Variants in ANKRD62 observed in about 807,000 individuals in gnomAD.
ANKRD62 encodes the protein ankyrin repeat domain-containing protein 62.
A neutral mutation model predicts 98.8 loss-of-function variants in ANKRD62; 61 were observed. The ratio of observed to expected loss-of-function variants is 0.62; its 90% CI spans 0.50 to 0.76. The LOEUF is 0.76. ANKRD62 is among the 30% of genes least tolerant of loss of function. The probability of loss-of-function intolerance (pLI) is 0.00; values close to 1 mark genes in which losing one functional copy is unlikely to be tolerated. For missense variants in ANKRD62, 933 were observed against 1,082.9 expected (o/e 0.86, Z 1.94); for synonymous variants, 341 against 367.9 (o/e 0.93, Z 0.84).
chr18:12,106,186 C>T (rs945240696), intron 7 of ANKRD62, among the ~76,000 whole-genome samples: 4 of 152,166 alleles, frequency 2.6e-5, no homozygotes, highest in Non-Finnish European at 5.9e-5. Context: ...TTTTTAATCA[C>T]AACTTCCGCA....
chr18:12,138,989 CTT>C, the ANKRD62 span, among the ~76,000 whole-genome samples: 52 of 152,236 alleles, frequency 3.4e-4, no homozygotes, highest in African/African-American at 1.3e-3. Flanking sequence ...GTTCTTGACT[CTT>C]TATCCAATTT....
chr18:12,167,084 C>A, the ANKRD62 span, among the ~76,000 whole-genome samples: 1 of 150,974 alleles, frequency 6.6e-6, no homozygotes, highest in Non-Finnish European at 1.5e-5. Context: ...TAGCATTCCA[C>A]GGTGTACATG....
rs970688531 is a variant in ANKRD62, at chr18:12,093,923, G to A, written c.-95G>A. 5 of 1,236,486 alleles carry A rather than the reference G, an allele frequency of 4.0e-6. No homozygotes were observed. The highest frequency in any genetic ancestry group is 3.0e-5 in the African/African-American group (2 of 67,166). 76.6% of individuals were successfully genotyped at this position (1,236,486 alleles called of 1,614,324 possible). A position where few individuals can be genotyped will look rare whatever the true frequency, so the allele number is the denominator to read the frequency against. ...GGAGGTTGCGGCTGGACCTGGTTAC[G>A]TGCTGGTGCTGCGCTCCAGAGAGGC... On this transcript the variant is annotated 5_prime_UTR_variant, in exon 1 of 14. The change creates a new upstream start codon in the 5' untranslated region. Coordinates refer to ENST00000587848, the MANE Select transcript of ANKRD62 (RefSeq NM_001277333.2).
At chr18:12,127,670 T>C in intron 13 of ANKRD62, 78 bp from the exon 14 acceptor site, 1 of 1,110,506 alleles carries the variant, frequency 9.0e-7, no homozygotes, top group Non-Finnish European at 1.2e-6. Context: ...GAAGTGTGTA[T>C]ATTAGAGTTA....
the ANKRD62 span, among the ~76,000 whole-genome samples, chr18:12,167,183 T>C: frequency 5.9e-5 from 9 of 152,104 alleles, no homozygotes; most frequent in African/African-American, 2.2e-4. Flanking sequence ...ATGTGCACAA[T>C]ATGCAGGTTT....
At chr18:12,110,914 G>A (rs1436449827) in intron 8 of ANKRD62, among the ~76,000 whole-genome samples, 6 of 152,104 alleles carry the variant, frequency 3.9e-5, no homozygotes, top group Admixed American at 2.0e-4. Context: ...TCTTTTTGAT[G>A]TGAGCATTTA....
rs751903748 is a variant in ANKRD62 at position 12,128,640 on chromosome 18, T to A, written c.*701T>A. On this transcript the variant is annotated 3_prime_UTR_variant, in exon 14 of 14. Coordinates refer to ENST00000587848, the MANE Select transcript of ANKRD62 (RefSeq NM_001277333.2). ...TTTAAGATGACACTTTTAAATAAAT[T>A]ATCTCCTAATGATGACATGAGCCCT... 16 of 152,248 alleles carry A rather than the reference T, an allele frequency of 1.1e-4. No individual in the cohort carries two copies. Among genetic ancestry groups the A allele is most frequent in the Non-Finnish European group, 1.6e-4 (11 of 68,042 alleles). 9.4% of individuals were successfully genotyped at this position (152,248 alleles called of 1,614,324 possible). A position where few individuals can be genotyped will look rare whatever the true frequency, so the allele number is the denominator to read the frequency against.
In ANKRD62 at chr18:12,128,888, C is replaced by G. The variant is rs1486390555; in HGVS notation, c.*949C>G. Reference sequence around the variant, plus strand: ...CATCCTGGCCAACATGGTGAAACCCCATCTCTACTAAAAAAGATAAAGAAA... The same window carrying G: ...CATCCTGGCCAACATGGTGAAACCCGATCTCTACTAAAAAAGATAAAGAAA... On this transcript the variant is annotated 3_prime_UTR_variant, in exon 14 of 14. Coordinates refer to ENST00000587848, the MANE Select transcript of ANKRD62 (RefSeq NM_001277333.2). The G allele has an allele frequency of 6.6e-6, 1 of 152,064 alleles. No homozygotes were observed. Among genetic ancestry groups the G allele is most frequent in the African/African-American group, 2.4e-5 (1 of 41,392 alleles). 9.4% of individuals were successfully genotyped at this position (152,064 alleles called of 1,614,324 possible).
At chr18:12,109,498 T>C (rs138834510) in intron 8 of ANKRD62, among the ~76,000 whole-genome samples, 1 of 152,366 alleles carries the variant, frequency 6.6e-6, no homozygotes, top group Non-Finnish European at 1.5e-5. Context: ...ATCTTAATAC[T>C]TGTAGTGTTT....
rs1223258021 is a variant in ANKRD62, at chr18:12,122,365, C to A, written c.1303C>A (p.Gln435Lys). 4.6e-6 allele frequency: 7 copies of A among 1,535,306 alleles called. No homozygotes were observed. Among genetic ancestry groups the A allele is most frequent in the South Asian group, 1.2e-5 (1 of 83,974 alleles). Residue 435 changes from glutamine (Q) to lysine (K), a missense_variant, in exon 11 of 14, where the codon CAA (glutamine) becomes AAA (lysine). Gln to Lys is a moderately conservative substitution (Grantham distance 53). Coordinates refer to ENST00000587848, the MANE Select transcript of ANKRD62 (RefSeq NM_001277333.2). Reference sequence around the variant, plus strand: ...TGCATGTGGAAGATCAATAGAGGATCAAAAATGTTACTGTGAACGACTTAA... The same window carrying A: ...TGCATGTGGAAGATCAATAGAGGATAAAAAATGTTACTGTGAACGACTTAA... ...TAACGRSIED[Q>K]KCYCERLKVK...
At chr18:12,122,600 T>G in intron 11 of ANKRD62, 84 bp downstream of exon 11, 1 of 1,170,414 alleles carries the variant, frequency 8.5e-7, no homozygotes, top group Non-Finnish European at 1.2e-6. Context: ...CTGACTTACC[T>G]TCTAGGGTTT....
At chr18:12,172,613 C>T in the ANKRD62 span, among the ~76,000 whole-genome samples, 11 of 152,118 alleles carry the variant, frequency 7.2e-5, no homozygotes, top group African/African-American at 9.7e-5. Flanking sequence ...TTCTCAGATC[C>T]GTGCTGGGAG....
the ANKRD62 span, among the ~76,000 whole-genome samples, chr18:12,174,221 TCTGA>T: frequency 6.6e-6 from 1 of 152,240 alleles, no homozygotes; most frequent in Admixed American, 6.5e-5. Flanking sequence ...TCTGTTCTTG[TCTGA>T]CTGTTTTATT....
At chr18:12,172,037 A>AATCT in the ANKRD62 span, among the ~76,000 whole-genome samples, 1 of 152,112 alleles carries the variant, frequency 6.6e-6, no homozygotes, top group African/African-American at 2.4e-5. Flanking sequence ...CCATTCATCT[A>AATCT]ATCTTTTTTC....
chr18:12,116,867 A>G (rs1421323694), intron 10 of ANKRD62, among the ~76,000 whole-genome samples: 2 of 152,334 alleles, frequency 1.3e-5, no homozygotes, highest in Admixed American at 6.5e-5. Context: ...CTTCTTAACA[A>G]TAATGAATCT....
At chr18:12,158,995 T>G in the ANKRD62 span, among the ~76,000 whole-genome samples, 2 of 152,184 alleles carry the variant, frequency 1.3e-5, no homozygotes, top group Non-Finnish European at 2.9e-5. Flanking sequence ...TCCACAAAAT[T>G]CTTCCTATGC....
intron 8 of ANKRD62, among the ~76,000 whole-genome samples, chr18:12,111,029 G>A (rs561646752): frequency 4.1e-4 from 61 of 149,592 alleles, no homozygotes; most frequent in Admixed American, 4.0e-4. Context: ...TGAGGTGGGC[G>A]GATCATGAGG....
intron 7 of ANKRD62, among the ~76,000 whole-genome samples, chr18:12,106,189 CT>C (rs1909409632): frequency 6.6e-6 from 1 of 152,186 alleles, no homozygotes; most frequent in South Asian, 2.1e-4. Flanking sequence ...TTAATCACAA[CT>C]TCCGCATGTT....
the ANKRD62 span, among the ~76,000 whole-genome samples, chr18:12,170,639 A>T: frequency 0.21 from 31,605 of 152,136 alleles, 4,233 homozygotes; most frequent in East Asian, 0.54. Flanking sequence ...GTAGATGTCT[A>T]TTAGGTCTCC....
Sources: gnomAD v4.1 joint callset for allele counts (sites outside exome capture counted in the v4.1 genomes callset) on GRCh38, gnomAD v4.1.1 for gene constraint, MANE v1.5 for transcripts, NCBI Gene and HGNC (gene_info 2026-07-23, HGNC 2026-07-21) for gene names.